Variants in EZR observed in about 807,000 individuals in gnomAD.
EZR encodes the protein ezrin.
EZR carries 40 observed loss-of-function variants against 74.8 expected under a neutral mutation model. The ratio of observed to expected loss-of-function variants is 0.53; its 90% CI spans 0.42 to 0.70. The LOEUF (loss-of-function observed/expected upper bound fraction) is 0.70, where lower values mean the gene tolerates loss of function less well. EZR is among the 30% of genes least tolerant of loss of function. The pLI, the probability that EZR is intolerant of heterozygous loss-of-function variation, is 0.00. For synonymous variants in EZR, 341 were observed against 283.3 expected, an observed-to-expected ratio of 1.20 and a Z score of -2.05; for missense variants, 678 against 755.8, an observed-to-expected ratio of 0.90 and a Z score of 1.21.
intron 7 of EZR, among the ~76,000 whole-genome samples, chr6:158,783,091 C>T (rs1583566739): frequency 6.6e-6 from 1 of 152,276 alleles, no homozygotes; most frequent in African/African-American, 2.4e-5. Flanking sequence ...CTATTGTTTA[C>T]AGCTTTTCAA....
chr6:158,770,018 C>T (rs1791051118), intron 10 of EZR, 74 bp from the exon 11 acceptor site: 19 of 1,571,488 alleles, frequency 1.2e-5, no homozygotes, highest in East Asian at 6.7e-5. Context: ...TCCATTCCCA[C>T]CCCCAAAGCC....
At chr6:158,787,278 A>C in intron 3 of EZR, 75 bp from the exon 4 acceptor site, 2 of 1,250,860 alleles carry the variant, frequency 1.6e-6, no homozygotes, top group Non-Finnish European at 2.3e-6. Context: ...GCTGTCGTTC[A>C]TCACATGGTC....
chr6:158,792,689 C>T (rs962791885), intron 2 of EZR, among the ~76,000 whole-genome samples: 6 of 151,896 alleles, frequency 4.0e-5, no homozygotes, highest in African/African-American at 1.5e-4. Flanking sequence ...TGTGCGGGCG[C>T]CTGTAGTCAC....
chr6:158,779,358 C>T (rs533343700), intron 7 of EZR, among the ~76,000 whole-genome samples: 31 of 152,272 alleles, frequency 2.0e-4, no homozygotes, highest in Admixed American at 2.6e-4. Flanking sequence ...AACTGTGTGG[C>T]TCCAGAGAGG....
chr6:158,808,474 C>T (rs981123345), intron 2 of EZR, among the ~76,000 whole-genome samples: 4 of 150,500 alleles, frequency 2.7e-5, no homozygotes, highest in Non-Finnish European at 6.0e-5. Flanking sequence ...GTTACATTTA[C>T]TTACTACATT....
chr6:158,806,959 C>T (rs913916806), intron 2 of EZR, among the ~76,000 whole-genome samples: 45 of 152,150 alleles, frequency 3.0e-4, no homozygotes, highest in African/African-American at 1.1e-3. Context: ...TAAAGTGATT[C>T]CAATCTCATA....
At chr6:158,799,169 T>C (rs1562502252) in intron 2 of EZR, among the ~76,000 whole-genome samples, 1 of 152,100 alleles carries the variant, frequency 6.6e-6, no homozygotes, top group Non-Finnish European at 1.5e-5. Flanking sequence ...CTGTACCTTA[T>C]ATGCAGCCAT....
At chr6:158,789,183 C>CA in intron 3 of EZR, 105 bp downstream of exon 3, 1 of 773,254 alleles carries the variant, frequency 1.3e-6, no homozygotes, top group South Asian at 1.8e-5. Context: ...TCTATTACCT[C>CA]AAGTGAGTAA....
At chr6:158,807,314 C>CAAAA (rs56041297) in intron 2 of EZR, among the ~76,000 whole-genome samples, 4 of 136,288 alleles carry the variant, frequency 2.9e-5, no homozygotes, top group Admixed American at 2.5e-4. Flanking sequence ...GACTCCGTCT[C>CAAAA]AAAAAAAAAA....
intron 1 of EZR, 48 bp downstream of exon 1, chr6:158,819,269 C>G (rs539663048): frequency 2.0e-5 from 3 of 153,072 alleles, no homozygotes; most frequent in Admixed American, 6.6e-5. Flanking sequence ...CCACCAGGAA[C>G]CCCCCGCCCA....
At chr6:158,767,847 A>G (rs894560676) in intron 12 of EZR, among the ~76,000 whole-genome samples, 1 of 152,124 alleles carries the variant, frequency 6.6e-6, no homozygotes, top group Non-Finnish European at 1.5e-5. Context: ...TTCATGCCAC[A>G]GTCATTATCA....
intron 2 of EZR, among the ~76,000 whole-genome samples, chr6:158,795,523 CCA>C (rs1777052584): frequency 6.6e-6 from 1 of 152,186 alleles, no homozygotes; most frequent in Non-Finnish European, 1.5e-5. Context: ...TGTTCCATGG[CCA>C]CAGACTACAG....
chr6:158,781,031 A>C (rs552973906), intron 7 of EZR, among the ~76,000 whole-genome samples: 3 of 152,328 alleles, frequency 2.0e-5, no homozygotes, highest in Non-Finnish European at 4.4e-5. Context: ...TTACTTGCAG[A>C]GTATAAATCT....
chr6:158,787,344 CTT>C (rs1196688424), intron 3 of EZR, 141 bp from the exon 4 acceptor site: 7 of 569,428 alleles, frequency 1.2e-5, no homozygotes, highest in Admixed American at 3.3e-5. Context: ...TGGGCAACAT[CTT>C]TTTTTGCACT....
chr6:158,767,938 C>T (rs962429377), intron 12 of EZR, among the ~76,000 whole-genome samples: 4 of 152,018 alleles, frequency 2.6e-5, no homozygotes, highest in African/African-American at 9.7e-5. Flanking sequence ...CCCAGCCAGC[C>T]CTAGAGTTGA....
At chr6:158,799,359 C>A (rs368257772) in intron 2 of EZR, among the ~76,000 whole-genome samples, 1 of 152,160 alleles carries the variant, frequency 6.6e-6, no homozygotes, top group African/African-American at 2.4e-5. Context: ...AGTGCCCGGG[C>A]GGCAGGGGGC....
At chr6:158,779,322 G>A (rs1017945528) in intron 7 of EZR, among the ~76,000 whole-genome samples, 5 of 152,114 alleles carry the variant, frequency 3.3e-5, no homozygotes, top group Non-Finnish European at 5.9e-5. Flanking sequence ...ATCCCACATC[G>A]AAGGAGACAG....
intron 7 of EZR, among the ~76,000 whole-genome samples, chr6:158,781,557 G>GA (rs1791432657): frequency 6.6e-6 from 1 of 152,240 alleles, no homozygotes; most frequent in Admixed American, 6.5e-5. Flanking sequence ...CCTGCAGGTT[G>GA]AAAAACCTGT....
chr6:158,768,764 G>A (rs1398562582), intron 12 of EZR, among the ~76,000 whole-genome samples: 1 of 152,150 alleles, frequency 6.6e-6, no homozygotes, highest in African/African-American at 2.4e-5. Flanking sequence ...GCAACCTTAT[G>A]AGTTGGGTAT....
Sources: gnomAD v4.1 joint callset for allele counts (sites outside exome capture counted in the v4.1 genomes callset) on GRCh38, gnomAD v4.1.1 for gene constraint, MANE v1.5 for transcripts, NCBI Gene and HGNC (gene_info 2026-07-23, HGNC 2026-07-21) for gene names.